Variants in ASAP1 observed in about 807,000 individuals in gnomAD.
The protein encoded by ASAP1 is ArfGAP with SH3 domain, ankyrin repeat and PH domain 1, also known as arf-GAP with SH3 domain, ANK repeat and PH domain-containing protein 1.
Under a neutral mutation model 145.2 loss-of-function variants are expected in ASAP1, and 43 were observed. The observed-to-expected ratio is 0.30, with a 90% confidence interval of 0.23 to 0.38. The LOEUF is 0.38. ASAP1 is among the 10% of genes least tolerant of loss of function. The probability of loss-of-function intolerance (pLI) is 1.00; values close to 1 mark genes in which losing one functional copy is unlikely to be tolerated. For missense variants in ASAP1, 1,018 were observed against 1,355.3 expected, an observed-to-expected ratio of 0.75 and a Z score of 3.91; for synonymous variants, 546 against 515.5, an observed-to-expected ratio of 1.06 and a Z score of -0.80.
intron 3 of ASAP1, among the ~76,000 whole-genome samples, chr8:130,263,441 C>CA (rs754118799): frequency 2.2e-4 from 33 of 152,122 alleles, no homozygotes; most frequent in Non-Finnish European, 4.6e-4. Flanking sequence ...ATGCAACAAG[C>CA]AAAGGCAAGT....
At chr8:130,175,323 C>T (rs920456100) in intron 9 of ASAP1, among the ~76,000 whole-genome samples, 4 of 152,106 alleles carry the variant, frequency 2.6e-5, no homozygotes, top group Non-Finnish European at 4.4e-5. Flanking sequence ...CAGGCTCAAG[C>T]GATCCTCCCA....
intron 3 of ASAP1, among the ~76,000 whole-genome samples, chr8:130,268,534 C>CACACACAA (rs1210803966): frequency 4.1e-5 from 6 of 145,570 alleles, no homozygotes; most frequent in African/African-American, 1.6e-4. Flanking sequence ...CACACACACA[C>CACACACAA]AACTGTGTAA....
chr8:130,092,215 T>G, intron 24 of ASAP1, 72 bp from the exon 25 acceptor site: 6 of 1,464,964 alleles, frequency 4.1e-6, no homozygotes, highest in Non-Finnish European at 5.5e-6. Context: ...CAGTATGAAA[T>G]CACTTCCACA....
intron 3 of ASAP1, among the ~76,000 whole-genome samples, chr8:130,346,057 T>C (rs1278601646): frequency 1.3e-5 from 2 of 152,258 alleles, no homozygotes; most frequent in Admixed American, 1.3e-4. Flanking sequence ...GAAAACTTTT[T>C]ACCAGGTCTG....
chr8:130,339,788 G>C (rs1344090584), intron 3 of ASAP1, among the ~76,000 whole-genome samples: 1 of 152,178 alleles, frequency 6.6e-6, no homozygotes, highest in Non-Finnish European at 1.5e-5. Flanking sequence ...TGTGGAAAAT[G>C]AGATGGTTGA....
intron 18 of ASAP1, among the ~76,000 whole-genome samples, chr8:130,121,784 C>CAAAAAAAAAAAAAAAAAAA (rs56996962): frequency 2.4e-4 from 6 of 25,408 alleles, no homozygotes; most frequent in African/African-American, 5.3e-4. Flanking sequence ...AATTCCATCT[C>CAAAAAAAAAAAAAAAAAAA]AAAAAAAAAA....
chr8:130,188,345 C>T (rs985447274), intron 5 of ASAP1, among the ~76,000 whole-genome samples, 162 bp from the exon 6 acceptor site: 32 of 152,172 alleles, frequency 2.1e-4, no homozygotes, highest in Admixed American at 3.9e-4. Context: ...GTAGGTTAGG[C>T]GACACAATTA....
At chr8:130,314,910 AAGAG>A (rs1189537548) in intron 3 of ASAP1, among the ~76,000 whole-genome samples, 5 of 152,144 alleles carry the variant, frequency 3.3e-5, no homozygotes, top group African/African-American at 1.2e-4. Flanking sequence ...TCTGAACTTT[AAGAG>A]AGAGAGAGAA....
chr8:130,348,930 C>T (rs1825843401), intron 3 of ASAP1, among the ~76,000 whole-genome samples: 1 of 152,222 alleles, frequency 6.6e-6, no homozygotes, highest in African/African-American at 2.4e-5. Context: ...CCCAAAGCCC[C>T]AGCAAGAATC....
intron 2 of ASAP1, among the ~76,000 whole-genome samples, chr8:130,397,086 T>C (rs1010514789): frequency 1.3e-5 from 2 of 152,144 alleles, no homozygotes; most frequent in African/African-American, 4.8e-5. Flanking sequence ...ACAACCGCAT[T>C]GCTGTGGACT....
At position 130,194,965 on chromosome 8, in the gene ASAP1, A is replaced by G. The variant is rs561613354; in HGVS notation, c.406-6782T>C. The G allele has an allele frequency of 8.5e-5, 13 of 152,340 alleles. No individual in the cohort carries two copies. In the East Asian group the frequency reaches 2.5e-3, roughly 29 times the overall value. 9.4% of individuals were successfully genotyped at this position (152,340 alleles called of 1,614,324 possible). A position where few individuals can be genotyped will look rare whatever the true frequency, so the allele number is the denominator to read the frequency against. Reference sequence around the variant, plus strand: ...CTTACAATACAGCCGACATAATACAATAACAGTATCAGTAAACTTCCTGTA... The same window carrying G: ...CTTACAATACAGCCGACATAATACAGTAACAGTATCAGTAAACTTCCTGTA... On this transcript the variant is annotated intron_variant, in intron 5 of 29. Coordinates refer to ENST00000518721, the MANE Select transcript of ASAP1 (RefSeq NM_018482.4).
At chr8:130,265,904 C>T (rs1262185417) in intron 3 of ASAP1, among the ~76,000 whole-genome samples, 1 of 152,116 alleles carries the variant, frequency 6.6e-6, no homozygotes, top group Admixed American at 6.6e-5. Flanking sequence ...GAAGGACTTC[C>T]AGTGTTACAG....
intron 15 of ASAP1, among the ~76,000 whole-genome samples, chr8:130,130,274 G>A (rs2097581045): frequency 6.6e-6 from 1 of 152,192 alleles, no homozygotes; most frequent in African/African-American, 2.4e-5. Context: ...GAAGTTATAT[G>A]ACTTGCCTAA....
chr8:130,434,609 C>T (rs1002643727), intron 1 of ASAP1, among the ~76,000 whole-genome samples: 17 of 152,134 alleles, frequency 1.1e-4, no homozygotes, highest in African/African-American at 3.6e-4. Context: ...ACCCTCCACC[C>T]GCCAAGTCAC....
rs745416119 is a variant in ASAP1, at chr8:130,128,139, ATTTTTTTTTTT to A, written c.1218-60_1218-50del. 146 of 179,506 alleles carry A rather than the reference ATTTTTTTTTTT, an allele frequency of 8.1e-4. 1 individual carries two copies. Among genetic ancestry groups the A allele is most frequent in the African/African-American group, 5.3e-3 (81 of 15,250 alleles). 11.1% of individuals were successfully genotyped at this position (179,506 alleles called of 1,614,324 possible). On this transcript the variant is annotated intron_variant, in intron 15 of 29. Transcript: ENST00000518721. ...AAAAAGTCTTTATAAGAGCATGGTC[ATTTTTTTTTTT>A]TTTTTTTTTTTTTTGCCACTGCAAA...
At chr8:130,234,273 T>C (rs1466197132) in intron 4 of ASAP1, among the ~76,000 whole-genome samples, 1 of 152,154 alleles carries the variant, frequency 6.6e-6, no homozygotes, top group Non-Finnish European at 1.5e-5. Context: ...TGGCTAAAAC[T>C]GAGGAACTGA....
At chr8:130,309,600 C>G (rs551809012) in intron 3 of ASAP1, among the ~76,000 whole-genome samples, 1 of 152,140 alleles carries the variant, frequency 6.6e-6, no homozygotes, top group Non-Finnish European at 1.5e-5. Flanking sequence ...ACATGCGGCT[C>G]TCACCACAGA....
At chr8:130,079,873 A>C (rs1212859205) in intron 26 of ASAP1, 29 bp downstream of exon 26, 1 of 1,600,442 alleles carries the variant, frequency 6.2e-7, no homozygotes, top group Admixed American at 1.7e-5. Context: ...TGGATCCAAC[A>C]GGGGAAATGA....
intron 25 of ASAP1, among the ~76,000 whole-genome samples, chr8:130,085,758 A>T (rs1242319278): frequency 6.8e-6 from 1 of 146,994 alleles, no homozygotes; most frequent in Non-Finnish European, 1.5e-5. Context: ...AAAAAAAAGG[A>T]AAGAGGTTCA....
Sources: allele counts gnomAD v4.1 joint callset (sites outside exome capture counted in the v4.1 genomes callset), GRCh38; gene constraint gnomAD v4.1.1; transcripts MANE v1.5; gene names NCBI Gene and HGNC (gene_info 2026-07-23, HGNC 2026-07-21).